ERC2: variants seen among roughly 807,000 people sequenced by gnomAD.
ERC2 encodes ELKS/RAB6-interacting/CAST family member 2, also known as ERC protein 2.
A neutral mutation model predicts 114.8 loss-of-function variants in ERC2; 42 were observed. The observed-to-expected ratio is 0.37, with a 90% confidence interval of 0.29 to 0.47. ERC2 has a LOEUF of 0.47. Among genes scored for constraint, ERC2 ranks in the 20% least tolerant of loss-of-function variants. ERC2 has a pLI of 0.99. For synonymous variants in ERC2, 454 were observed against 425.5 expected, an observed-to-expected ratio of 1.07 and a Z score of -0.82; for missense variants, 939 against 1,150.7, an observed-to-expected ratio of 0.82 and a Z score of 2.66.
chr3:55,959,273 G>C (rs1047035696), intron 12 of ERC2, among the ~76,000 whole-genome samples: 2 of 152,068 alleles, frequency 1.3e-5, no homozygotes, highest in African/African-American at 2.4e-5. Flanking sequence ...GGTTCTGAAG[G>C]GCTGATTCCT....
chr3:56,392,796 A>T (rs1214698833), intron 2 of ERC2, among the ~76,000 whole-genome samples: 5 of 152,162 alleles, frequency 3.3e-5, no homozygotes, highest in Non-Finnish European at 7.3e-5. Flanking sequence ...GGAAACAAGG[A>T]CCTCATAGTT....
chr3:55,916,969 A>G (rs746950737), intron 13 of ERC2, among the ~76,000 whole-genome samples: 14 of 152,158 alleles, frequency 9.2e-5, no homozygotes, highest in Non-Finnish European at 1.5e-4. Flanking sequence ...TTTTTGCACT[A>G]AAGTGCAAAG....
intron 2 of ERC2, among the ~76,000 whole-genome samples, chr3:56,335,097 AC>A (rs1277737488): frequency 2.0e-5 from 3 of 152,136 alleles, no homozygotes; most frequent in South Asian, 2.1e-4. Flanking sequence ...GAGCCACTGC[AC>A]CCAGCCTAAA....
chr3:55,613,639 G>A lies in ERC2; in HGVS notation c.*39+70155C>T, dbSNP rs114781431. ...GCTTTTCTCTTCCTCCTGTTTGTGTGGGAAGTGAAGAAGTCGGGATAATGG... is the reference window on the plus strand; with the variant it reads ...GCTTTTCTCTTCCTCCTGTTTGTGTAGGAAGTGAAGAAGTCGGGATAATGG... On this transcript the variant is annotated intron_variant, in intron 17 of 17. Coordinates refer to ENST00000288221, the MANE Select transcript of ERC2 (RefSeq NM_015576.3). 5.5e-3 allele frequency among the ~76,000 whole-genome samples: 835 copies of A among 152,220 alleles called. 5 individuals carry two copies. Among genetic ancestry groups the A allele is most frequent in the African/African-American group, 0.019 (778 of 41,524 alleles).
intron 13 of ERC2, among the ~76,000 whole-genome samples, chr3:55,918,018 T>C (rs894614304): frequency 1.3e-5 from 2 of 152,106 alleles, no homozygotes; most frequent in South Asian, 4.1e-4. Context: ...GCTCAAATTT[T>C]TTCTGTCTAG....
At chr3:55,619,855 G>C (rs2059259722) in intron 17 of ERC2, among the ~76,000 whole-genome samples, 1 of 152,170 alleles carries the variant, frequency 6.6e-6, no homozygotes, top group South Asian at 2.1e-4. Context: ...TACATTACAA[G>C]ACAGAGCAAA....
chr3:56,084,246 T>C (rs528728598), intron 6 of ERC2, among the ~76,000 whole-genome samples: 154 of 152,230 alleles, frequency 1.0e-3, no homozygotes, highest in African/African-American at 3.5e-3. Context: ...GGAAAGGAAA[T>C]GCTTATACAC....
chr3:56,105,361 TG>T (rs1358268998), intron 6 of ERC2, among the ~76,000 whole-genome samples: 1 of 149,504 alleles, frequency 6.7e-6, no homozygotes, highest in Non-Finnish European at 1.5e-5. Flanking sequence ...CTAGAGTACA[TG>T]GTGTGATTAC....
intron 14 of ERC2, among the ~76,000 whole-genome samples, chr3:55,851,992 C>A (rs997906087): frequency 6.6e-6 from 1 of 152,180 alleles, no homozygotes; most frequent in South Asian, 2.1e-4. Context: ...GGAGGCCAGG[C>A]GGGTGGATCA....
intron 12 of ERC2, among the ~76,000 whole-genome samples, chr3:55,976,557 G>A (rs112559265): frequency 0.013 from 2,004 of 152,246 alleles, 47 homozygotes; most frequent in African/African-American, 0.046. Context: ...GGTTGGATAA[G>A]ACAGGTCCTT....
intron 15 of ERC2, among the ~76,000 whole-genome samples, chr3:55,702,053 AT>A (rs1404021695): frequency 6.6e-6 from 1 of 152,168 alleles, no homozygotes; most frequent in African/African-American, 2.4e-5. Context: ...TTATGAGATT[AT>A]TTTCTTACCA....
At chr3:55,553,977 C>T (rs1027259411) in intron 17 of ERC2, among the ~76,000 whole-genome samples, 8 of 152,042 alleles carry the variant, frequency 5.3e-5, no homozygotes, top group Admixed American at 2.6e-4. Context: ...CCAAATTTTC[C>T]ATAGTGAATT....
intron 12 of ERC2, among the ~76,000 whole-genome samples, chr3:55,962,003 G>C (rs762408619): frequency 2.9e-4 from 44 of 152,108 alleles, no homozygotes; most frequent in Admixed American, 7.2e-4. Flanking sequence ...AAGTCCTACT[G>C]TCCTCAGGGT....
At chr3:55,955,203 T>G (rs760171361) in intron 12 of ERC2, 2 of 511,438 alleles carry the variant, frequency 3.9e-6, no homozygotes, top group East Asian at 1.1e-4. Context: ...GGGAATAGTT[T>G]TGGGAGGAAA....
intron 12 of ERC2, among the ~76,000 whole-genome samples, chr3:55,969,217 AC>A (rs1471726327): frequency 2.0e-5 from 3 of 152,154 alleles, no homozygotes; most frequent in Non-Finnish European, 4.4e-5. Context: ...GGTAAAATGG[AC>A]TTAATTCATT....
At chr3:56,179,257 T>C (rs898128122) in intron 3 of ERC2, among the ~76,000 whole-genome samples, 2 of 151,984 alleles carry the variant, frequency 1.3e-5, no homozygotes, top group Non-Finnish European at 2.9e-5. Context: ...AGTGTGTGGC[T>C]GAAGTTGCAT....
rs115775056 is a variant in ERC2, at chr3:56,089,809, C to G, written c.1474-8825G>C. ...GGATTCTGGCCCAACAGCAAACAGA[C>G]GGTTGGCTGAGCCCTGTCACAAGAC... On this transcript the variant is annotated intron_variant, in intron 6 of 17. Coordinates refer to ENST00000288221, the MANE Select transcript of ERC2 (RefSeq NM_015576.3). Among the ~76,000 whole-genome samples the G allele has an allele frequency of 2.2e-3, 340 of 152,264 alleles. 2 individuals carry two copies. The highest frequency in any genetic ancestry group is 4.1e-3 in the Non-Finnish European group (279 of 68,016).
chr3:56,006,169 C>T (rs1476728347), intron 10 of ERC2, among the ~76,000 whole-genome samples: 1 of 151,900 alleles, frequency 6.6e-6, no homozygotes, highest in Non-Finnish European at 1.5e-5. Flanking sequence ...ATGACAATTT[C>T]CTAAACATCT....
intron 17 of ERC2, among the ~76,000 whole-genome samples, chr3:55,553,587 TGGCTAACATGGTGA>T (rs916488702): frequency 6.6e-6 from 1 of 151,960 alleles, no homozygotes; most frequent in African/African-American, 2.4e-5. Flanking sequence ...GAGACCATCC[TGGCTAACATGGTGA>T]AACCCTGTCT....
Sources: allele counts gnomAD v4.1 joint callset (sites outside exome capture counted in the v4.1 genomes callset), GRCh38; gene constraint gnomAD v4.1.1; transcripts MANE v1.5; gene names NCBI Gene and HGNC (gene_info 2026-07-23, HGNC 2026-07-21).